The following SVIL variants were observed in gnomAD, a reference collection of about 807,000 sequenced individuals.
SVIL encodes archvillin.
Under a neutral mutation model 240.4 loss-of-function variants are expected in SVIL, and 101 were observed. The ratio of observed to expected loss-of-function variants is 0.42; its 90% CI spans 0.36 to 0.50. The LOEUF is 0.50. Among genes scored for constraint, SVIL ranks in the 20% least tolerant of loss-of-function variants. The pLI is 0.01. For missense variants in SVIL, 2,512 were observed against 2,818.7 expected (o/e 0.89, Z 2.46); for synonymous variants, 999 against 1,100.0 (o/e 0.91, Z 1.82).
intron 16 of SVIL, among the ~76,000 whole-genome samples, chr10:29,519,628 A>G (rs1950437013): frequency 6.6e-6 from 1 of 152,246 alleles, no homozygotes; most frequent in South Asian, 2.1e-4. Context: ...AAATAAAAGT[A>G]CTGTGAAGGT....
At chr10:29,647,817 T>A (rs1370233387) in intron 3 of SVIL, among the ~76,000 whole-genome samples, 2 of 152,134 alleles carry the variant, frequency 1.3e-5, no homozygotes, top group Admixed American at 1.3e-4. Context: ...TCCTTCAGTG[T>A]TTTTATAACA....
rs527574294 is a variant in SVIL at position 29,459,360 on chromosome 10, TAAAC to T, written c.6403-775_6403-772del. Among the ~76,000 whole-genome samples, 951 of 152,332 alleles carry T rather than the reference TAAAC, an allele frequency of 6.2e-3. 7 individuals are homozygous for T. Among genetic ancestry groups the T allele is most frequent in the Middle Eastern group, 0.017 (5 of 294 alleles). ...CTTTTCTCACCTTGTCACAGAGTTT[TAAAC>T]AAACCCTGTCTCAGAACTGTCTCTG... is the stretch of plus-strand genomic sequence containing the variant. On this transcript the variant is annotated intron_variant, in intron 36 of 37. Coordinates refer to ENST00000355867, the MANE Select transcript of SVIL (RefSeq NM_021738.3).
chr10:29,595,495 A>T (rs1330182809), intron 1 of SVIL, among the ~76,000 whole-genome samples: 1 of 152,252 alleles, frequency 6.6e-6, no homozygotes. Context: ...TTTACAAAAG[A>T]TGGTGAAATA....
chr10:29,594,094 T>A (rs1956489385), intron 1 of SVIL, among the ~76,000 whole-genome samples: 1 of 152,238 alleles, frequency 6.6e-6, no homozygotes, highest in Admixed American at 6.5e-5. Flanking sequence ...TGATTTCTGA[T>A]TGTTCAATGG....
At chr10:29,592,490 C>T (rs944392937) in intron 1 of SVIL, among the ~76,000 whole-genome samples, 7 of 152,170 alleles carry the variant, frequency 4.6e-5, no homozygotes, top group Non-Finnish European at 8.8e-5. Flanking sequence ...CTACCTAAGT[C>T]GCCAGGTGCT....
At chr10:29,719,674 G>A (rs777042042) in intron 1 of SVIL, among the ~76,000 whole-genome samples, 15 of 152,316 alleles carry the variant, frequency 9.8e-5, no homozygotes, top group South Asian at 4.1e-4. Context: ...TACAATGTGC[G>A]AGATGAACAG....
chr10:29,481,563 G>A (rs1946856005), intron 28 of SVIL, 21 bp downstream of exon 28: 3 of 1,612,490 alleles, frequency 1.9e-6, no homozygotes, highest in African/African-American at 1.3e-5. Flanking sequence ...CCCGAGTTTT[G>A]AGGCTTGGTC....
At chr10:29,672,679 T>C (rs1181065043) in intron 2 of SVIL, among the ~76,000 whole-genome samples, 1 of 152,112 alleles carries the variant, frequency 6.6e-6, no homozygotes, top group Admixed American at 6.6e-5. Context: ...CAGTACTAGG[T>C]TCAAATATCT....
intron 1 of SVIL, among the ~76,000 whole-genome samples, chr10:29,720,188 A>T (rs57522089): frequency 6.6e-6 from 1 of 152,324 alleles, no homozygotes; most frequent in East Asian, 1.9e-4. Flanking sequence ...TGGATGACAC[A>T]GTGAGACTTC....
intron 1 of SVIL, among the ~76,000 whole-genome samples, chr10:29,711,457 A>G (rs1333807678): frequency 6.6e-6 from 1 of 151,406 alleles, no homozygotes; most frequent in Non-Finnish European, 1.5e-5. Flanking sequence ...CAGGAGAGAC[A>G]TGGTTCAAAT....
intron 13 of SVIL, among the ~76,000 whole-genome samples, 162 bp from the exon 14 acceptor site, chr10:29,524,877 A>G (rs985941193): frequency 6.6e-6 from 1 of 151,910 alleles, no homozygotes; most frequent in Non-Finnish European, 1.5e-5. Flanking sequence ...GCTACTCAAC[A>G]AGCAGAGTCG....
At chr10:29,537,323 C>T (rs1273641068) in intron 6 of SVIL, among the ~76,000 whole-genome samples, 1 of 152,118 alleles carries the variant, frequency 6.6e-6, no homozygotes, top group Non-Finnish European at 1.5e-5. Context: ...ATCAACATAG[C>T]CATTAAAAAC....
At chr10:29,608,720 G>A (rs1002909724) in intron 1 of SVIL, among the ~76,000 whole-genome samples, 1 of 152,266 alleles carries the variant, frequency 6.6e-6, no homozygotes. Flanking sequence ...GAGGGCAGCT[G>A]AGCGTGGGCA....
chr10:29,580,508 C>T (rs962702813), intron 1 of SVIL, among the ~76,000 whole-genome samples: 4 of 152,236 alleles, frequency 2.6e-5, no homozygotes, highest in Middle Eastern at 3.4e-3. Context: ...CAAGGAACTC[C>T]GTATTGAAAA....
chr10:29,482,232 C>T (rs1946967399), intron 27 of SVIL, among the ~76,000 whole-genome samples: 1 of 151,894 alleles, frequency 6.6e-6, no homozygotes, highest in South Asian at 2.1e-4. Context: ...AGGGGTCTCG[C>T]TATGTTGCTC....
chr10:29,726,704 G>A (rs2132708241), intron 1 of SVIL, among the ~76,000 whole-genome samples: 1 of 152,154 alleles, frequency 6.6e-6, no homozygotes, highest in Non-Finnish European at 1.5e-5. Context: ...CCAAGATCAC[G>A]CTGCTGCACT....
chr10:29,674,340 G>A (rs1357879435), intron 2 of SVIL, among the ~76,000 whole-genome samples: 1 of 151,974 alleles, frequency 6.6e-6, no homozygotes, highest in African/African-American at 2.4e-5. Context: ...CAAAAAAAGT[G>A]GGGGGTGTTT....
chr10:29,558,602 G>T (rs111786082), intron 3 of SVIL, among the ~76,000 whole-genome samples: 1 of 151,838 alleles, frequency 6.6e-6, no homozygotes, highest in African/African-American at 2.4e-5. Context: ...TAATTAATGT[G>T]TATTATATTA....
rs1951481979 is a variant in SVIL at position 29,532,961 on chromosome 10, T to A, written c.1406A>T (p.Glu469Val). The change falls in exon 8 of 38, where the codon GAA (glutamate) becomes GTA (valine). Residue 469 changes from glutamate to valine, a missense_variant. Glu to Val is a moderately radical substitution (Grantham distance 121, BLOSUM62 -2). Transcript: ENST00000355867. ...LEGDGLVRSP[E>V]DPSRNEDFGK... Reference sequence around the variant, plus strand: ...AAAGTCCTCATTTCTAGAGGGATCTTCTGGGCTTCTCACTAGCCCATCACC... The same window carrying A: ...AAAGTCCTCATTTCTAGAGGGATCTACTGGGCTTCTCACTAGCCCATCACC... The A allele has an allele frequency of 6.2e-7, 1 of 1,614,054 alleles. No homozygotes were observed. Among genetic ancestry groups the A allele is most frequent in the South Asian group, 1.1e-5 (1 of 91,088 alleles).
Sources: allele counts gnomAD v4.1 joint callset (sites outside exome capture counted in the v4.1 genomes callset), GRCh38; gene constraint gnomAD v4.1.1; transcripts MANE v1.5; gene names NCBI Gene and HGNC (gene_info 2026-07-23, HGNC 2026-07-21).